Variants in CCDC178 observed in about 807,000 individuals in gnomAD.
The protein encoded by CCDC178 is coiled-coil domain-containing protein 178.
In CCDC178, 126 loss-of-function variants were observed where a neutral mutation model predicts 117.4. The observed-to-expected ratio is 1.07, with a 90% CI of 0.93 to 1.24. The LOEUF is 1.24. CCDC178 is among the 50% of genes most tolerant of loss of function. The pLI, the probability that CCDC178 is intolerant of heterozygous loss-of-function variation, is 0.00. For missense variants in CCDC178, 1,030 were observed against 986.9 expected (o/e 1.04, Z -0.59); for synonymous variants, 283 against 313.4 (o/e 0.90, Z 1.02).
At chr18:33,069,700 C>T (rs1454531691) in intron 21 of CCDC178, among the ~76,000 whole-genome samples, 1 of 151,946 alleles carries the variant, frequency 6.6e-6, no homozygotes. Flanking sequence ...TCTACAAATA[C>T]TTCTGCAAAG....
At chr18:33,417,521 T>C (rs1312382444) in intron 2 of CCDC178, among the ~76,000 whole-genome samples, 2 of 114,262 alleles carry the variant, frequency 1.8e-5, no homozygotes, top group Non-Finnish European at 3.5e-5. Context: ...AAAATAAAAG[T>C]TCACAGAGCT....
intron 15 of CCDC178, among the ~76,000 whole-genome samples, chr18:33,235,103 A>G (rs2059411922): frequency 6.6e-6 from 1 of 152,206 alleles, no homozygotes; most frequent in Non-Finnish European, 1.5e-5. Context: ...ACCTTGTCTC[A>G]GAGGTGAACA....
In CCDC178 at chr18:33,323,503, A is replaced by G. The variant is rs199956098; in HGVS notation, c.1010T>C (p.Ile337Thr). Residue 337 changes from isoleucine (I) to threonine (T), a missense_variant, in exon 11 of 23, where the codon ATA (isoleucine) becomes ACA (threonine). Coordinates refer to ENST00000383096, the MANE Select transcript of CCDC178 (RefSeq NM_001105528.4). Reference protein sequence around the residue: ...DKDIYQDEKTIEAYKREIYQL... With the variant: ...DKDIYQDEKTTEAYKREIYQL... Reference sequence around the variant, plus strand: ...GAAAAATTCTTACTTGTAGGCCTCTATGGTTTTTTCATCCTGGTAAATATC... The same window carrying G: ...GAAAAATTCTTACTTGTAGGCCTCTGTGGTTTTTTCATCCTGGTAAATATC... 6.4e-5 allele frequency: 97 copies of G among 1,522,482 alleles called. No homozygotes were observed. The highest frequency in any genetic ancestry group is 1.7e-4 in the Admixed American group (8 of 46,496). The allele number at this position is 1,522,482 out of a possible 1,614,324, so 94.3% of individuals were successfully genotyped here.
chr18:32,950,205 T>G (rs1199926515), intron 22 of CCDC178, among the ~76,000 whole-genome samples: 3 of 152,186 alleles, frequency 2.0e-5, no homozygotes, highest in African/African-American at 7.2e-5. Flanking sequence ...AAGGCTTTCA[T>G]CCCTGATACT....
In CCDC178 at chr18:33,256,335, C is replaced by T. The variant is rs976072351; in HGVS notation, c.1409+10581G>A. Among the ~76,000 whole-genome samples the T allele has an allele frequency of 1.8e-4, 28 of 152,018 alleles. 1 individual carries two copies. The highest frequency in any genetic ancestry group is 1.9e-4 in the African/African-American group (8 of 41,492). On this transcript the variant is annotated intron_variant, in intron 14 of 22. Coordinates refer to ENST00000383096, the MANE Select transcript of CCDC178 (RefSeq NM_001105528.4). ...AAAGATTTCAAAAATGGAAGTGATA[C>T]GAGTAAAACTATGTCTTGAACAGGG...
chr18:32,983,488 G>A (rs1030712570), intron 21 of CCDC178: 25 of 546,122 alleles, frequency 4.6e-5, no homozygotes, highest in Admixed American at 1.3e-4. Context: ...ACAAAGAAGA[G>A]AAAAAAATGC....
intron 21 of CCDC178, among the ~76,000 whole-genome samples, chr18:33,004,942 C>G (rs1241811213): frequency 1.3e-5 from 2 of 151,948 alleles, no homozygotes; most frequent in Non-Finnish European, 2.9e-5. Context: ...TAAACTGGCT[C>G]TTATCCAAAA....
intron 5 of CCDC178, among the ~76,000 whole-genome samples, chr18:33,389,191 C>T (rs539816727): frequency 4.7e-4 from 72 of 151,936 alleles, no homozygotes; most frequent in South Asian, 6.2e-4. Context: ...AATACACCCC[C>T]AAAAACATTT....
At chr18:32,993,439 A>G (rs1223898643) in intron 21 of CCDC178, among the ~76,000 whole-genome samples, 1 of 150,378 alleles carries the variant, frequency 6.6e-6, no homozygotes, top group Admixed American at 6.6e-5. Flanking sequence ...AAGTACAAAT[A>G]AGATTGCAAA....
At chr18:33,227,812 A>C (rs971318085) in intron 15 of CCDC178, among the ~76,000 whole-genome samples, 3 of 152,060 alleles carry the variant, frequency 2.0e-5, no homozygotes, top group African/African-American at 7.2e-5. Context: ...GGAAACATGA[A>C]GGTGGTAAAT....
intron 7 of CCDC178, among the ~76,000 whole-genome samples, chr18:33,353,799 A>G (rs1337816496): frequency 6.6e-6 from 1 of 152,138 alleles, no homozygotes; most frequent in African/African-American, 2.4e-5. Flanking sequence ...TTATAATCAT[A>G]TAGGGAAACA....
chr18:33,213,206 T>C (rs981852631), intron 19 of CCDC178, among the ~76,000 whole-genome samples: 2 of 151,974 alleles, frequency 1.3e-5, no homozygotes, highest in Non-Finnish European at 2.9e-5. Flanking sequence ...AGAATTCAAA[T>C]CTAGTCCTGC....
At chr18:33,205,932 G>C (rs916461712) in intron 20 of CCDC178, among the ~76,000 whole-genome samples, 1 of 152,132 alleles carries the variant, frequency 6.6e-6, no homozygotes, top group African/African-American at 2.4e-5. Flanking sequence ...GGGCTCAAGT[G>C]ATCTGCCCAC....
intron 5 of CCDC178, among the ~76,000 whole-genome samples, chr18:33,377,169 T>C (rs1396880003): frequency 6.6e-6 from 1 of 152,222 alleles, no homozygotes; most frequent in African/African-American, 2.4e-5. Context: ...GCTATCTCAT[T>C]GTGGTTTTCA....
intron 21 of CCDC178, among the ~76,000 whole-genome samples, chr18:33,001,536 A>G (rs2055634484): frequency 1.3e-5 from 2 of 152,062 alleles, no homozygotes; most frequent in African/African-American, 4.8e-5. Flanking sequence ...TAAATAAATA[A>G]AAAGCAGAAA....
At chr18:33,068,125 T>C (rs1004953163) in intron 21 of CCDC178, among the ~76,000 whole-genome samples, 2 of 151,860 alleles carry the variant, frequency 1.3e-5, no homozygotes, top group African/African-American at 2.4e-5. Context: ...CAGGAAGAAA[T>C]AGAAAACGTG....
At chr18:33,043,918 T>TA (rs1188284380) in intron 21 of CCDC178, among the ~76,000 whole-genome samples, 1 of 151,786 alleles carries the variant, frequency 6.6e-6, no homozygotes, top group Non-Finnish European at 1.5e-5. Context: ...TGGCACTAGA[T>TA]ACTATGCTAA....
chr18:32,992,805 T>TA (rs1252902658), intron 21 of CCDC178, among the ~76,000 whole-genome samples: 1 of 152,150 alleles, frequency 6.6e-6, no homozygotes, highest in Non-Finnish European at 1.5e-5. Flanking sequence ...ATTTGACACC[T>TA]AAAAAATATA....
chr18:33,407,912 C>A (rs1279631729), intron 3 of CCDC178, among the ~76,000 whole-genome samples: 1 of 151,686 alleles, frequency 6.6e-6, no homozygotes, highest in African/African-American at 2.4e-5. Context: ...ATAATTCAAT[C>A]TAGAAGTAAT....
Sources: gnomAD v4.1 joint callset for allele counts (sites outside exome capture counted in the v4.1 genomes callset) on GRCh38, gnomAD v4.1.1 for gene constraint, MANE v1.5 for transcripts, NCBI Gene and HGNC (gene_info 2026-07-23, HGNC 2026-07-21) for gene names.